MFSD6: variants seen among roughly 807,000 people sequenced by gnomAD.
The protein encoded by MFSD6 is major facilitator superfamily domain-containing protein 6.
In MFSD6, 26 loss-of-function variants were observed where a neutral mutation model predicts 56.3. The observed-to-expected ratio is 0.46, with a 90% CI of 0.34 to 0.64. The LOEUF is 0.64. MFSD6 is among the 30% of genes least tolerant of loss of function. The pLI is 0.01. For missense variants in MFSD6, 750 were observed against 986.2 expected (o/e 0.76, Z 3.21); for synonymous variants, 331 against 366.9 (o/e 0.90, Z 1.12).
At chr2:190,435,287 T>C (rs1359213789) in intron 2 of MFSD6, 1 of 152,264 alleles carries the variant, frequency 6.6e-6, no homozygotes, top group African/African-American at 2.4e-5. Context: ...AATGAATACA[T>C]GTAAAGATCT....
rs542363665 is a variant in MFSD6 at position 190,461,896 on chromosome 2, G to A, written c.1533-7862G>A. 2.6e-4 allele frequency among the ~76,000 whole-genome samples: 39 copies of A among 152,138 alleles called. No homozygotes were observed. Among genetic ancestry groups the A allele is most frequent in the African/African-American group, 8.9e-4 (37 of 41,492 alleles). On this transcript the variant is annotated intron_variant, in intron 3 of 7. Transcript: ENST00000392328. The surrounding 1 kb of genome is among the most constrained non-coding windows in gnomAD (Gnocchi z 5.5). ...CCTTAATATACTTTCAGAACAATCTGAGAGCAGAAGTCTTTTAATTTAAAA... is the reference window on the plus strand; with the variant it reads ...CCTTAATATACTTTCAGAACAATCTAAGAGCAGAAGTCTTTTAATTTAAAA...
At chr2:190,470,357 T>C (rs2125147039) in intron 4 of MFSD6, among the ~76,000 whole-genome samples, 1 of 152,354 alleles carries the variant, frequency 6.6e-6, no homozygotes, top group South Asian at 2.1e-4. Flanking sequence ...TCTGCTCAAA[T>C]GTCCTGCCCT....
In MFSD6 at chr2:190,458,601, C is replaced by T. The variant is rs952697637; in HGVS notation, c.1533-11157C>T. On this transcript the variant is annotated intron_variant, in intron 3 of 7. Transcript: ENST00000392328. This position sits in a 1 kb window ranked among gnomAD's most constrained non-coding sequence, Gnocchi z 5.3. ...CACCCCAGTTTTAGATTCCCTTCCC[C>T]CCGAGTGCTTGACAGATGGTTATTA... is the stretch of plus-strand genomic sequence containing the variant. 6.6e-6 allele frequency among the ~76,000 whole-genome samples: 1 copy of T among 152,158 alleles called. No homozygotes were observed. The highest frequency in any genetic ancestry group is 6.5e-5 in the Admixed American group (1 of 15,280).
Position 190,497,335 on chromosome 2 carries a change from C to G in MFSD6, c.1892-104C>G. Reference sequence around the variant, plus strand: ...CAATTTATTAATATTATCAAGCACTCTGGAATGGGTATATGGGATTCTTGG... The same window carrying G: ...CAATTTATTAATATTATCAAGCACTGTGGAATGGGTATATGGGATTCTTGG... On this transcript the variant is annotated intron_variant, in intron 6 of 7. Transcript: ENST00000392328. The surrounding 1 kb of genome is among the most constrained non-coding windows in gnomAD (Gnocchi z 5.2). 1.5e-6 allele frequency: 2 copies of G among 1,301,478 alleles called. No individual in the cohort carries two copies. Among genetic ancestry groups the G allele is most frequent in the Non-Finnish European group, 2.1e-6 (2 of 951,744 alleles). 80.6% of individuals were successfully genotyped at this position (1,301,478 alleles called of 1,614,324 possible). A position where few individuals can be genotyped will look rare whatever the true frequency, so the allele number is the denominator to read the frequency against.
In MFSD6 at chr2:190,431,834, ATACT is replaced by A. The variant is rs1686014846; in HGVS notation, c.-53-4140_-53-4137del. ...ATCTCAATTTTTCATTTATGCTATAATACTTATAAATTCCAGAGCTTTTTATTCA... is the reference window on the plus strand; with the variant it reads ...ATCTCAATTTTTCATTTATGCTATAATATAAATTCCAGAGCTTTTTATTCA... On this transcript the variant is annotated intron_variant, in intron 2 of 7. Coordinates refer to ENST00000392328, the MANE Select transcript of MFSD6 (RefSeq NM_017694.4). The surrounding 1 kb of genome is among the most constrained non-coding windows in gnomAD (Gnocchi z 4.4). 6.6e-6 allele frequency among the ~76,000 whole-genome samples: 1 copy of A among 152,210 alleles called. No individual in the cohort carries two copies. The highest frequency in any genetic ancestry group is 1.5e-5 in the Non-Finnish European group (1 of 68,036).
intron 4 of MFSD6, among the ~76,000 whole-genome samples, chr2:190,482,462 G>C (rs1216385085): frequency 6.6e-6 from 1 of 151,382 alleles, no homozygotes; most frequent in Non-Finnish European, 1.5e-5. Flanking sequence ...TCATGGGAAA[G>C]GTTTGTCACA....
intron 3 of MFSD6, among the ~76,000 whole-genome samples, chr2:190,466,819 C>T (rs576272880): frequency 6.6e-6 from 1 of 152,272 alleles, no homozygotes; most frequent in Non-Finnish European, 1.5e-5. Context: ...GAAGGGAAGG[C>T]TATATCAAAT....
chr2:190,498,512 C>T lies in MFSD6; in HGVS notation c.2172+793C>T, dbSNP rs975471661. Reference sequence around the variant, plus strand: ...TTTGTTGAACTGTTAATTAATCTCACTTTGTAAGCTAACATAAAATCTTTG... The same window carrying T: ...TTTGTTGAACTGTTAATTAATCTCATTTTGTAAGCTAACATAAAATCTTTG... On this transcript the variant is annotated intron_variant, in intron 7 of 7. Transcript: ENST00000392328. The surrounding 1 kb of genome is among the most constrained non-coding windows in gnomAD (Gnocchi z 5.9). 1.3e-5 allele frequency among the ~76,000 whole-genome samples: 2 copies of T among 152,150 alleles called. No individual in the cohort carries two copies. The highest frequency in any genetic ancestry group is 2.9e-5 in the Non-Finnish European group (2 of 68,012).
intron 6 of MFSD6, among the ~76,000 whole-genome samples, chr2:190,493,176 G>A (rs1256706828): frequency 1.3e-5 from 2 of 152,018 alleles, no homozygotes; most frequent in East Asian, 1.9e-4. Context: ...TTAAGGTAAA[G>A]GGGTGGAAAA....
In MFSD6 at chr2:190,500,446, G is replaced by A. The variant is rs1224971679; in HGVS notation, c.*228G>A. 9.1e-6 allele frequency: 5 copies of A among 548,240 alleles called. No individual in the cohort carries two copies. The African/African-American group carries it at 9.4e-5, about 10-fold the overall frequency. 34.0% of individuals were successfully genotyped at this position (548,240 alleles called of 1,614,324 possible). Reference sequence around the variant, plus strand: ...ATTGGAATTACAACAGGGAAATGGAGTTCAATGAGGACTTTCAGTTCTTTG... The same window carrying A: ...ATTGGAATTACAACAGGGAAATGGAATTCAATGAGGACTTTCAGTTCTTTG... On this transcript the variant is annotated 3_prime_UTR_variant, in exon 8 of 8. Transcript: ENST00000392328. The surrounding 1 kb of genome is among the most constrained non-coding windows in gnomAD (Gnocchi z 5.3).
Position 190,500,316 on chromosome 2 carries a change from C to A in MFSD6, c.*98C>A. 2 of 1,231,234 alleles carry A rather than the reference C, an allele frequency of 1.6e-6. No homozygotes were observed. Among genetic ancestry groups the A allele is most frequent in the Non-Finnish European group, 2.3e-6 (2 of 861,598 alleles). 76.3% of individuals were successfully genotyped at this position (1,231,234 alleles called of 1,614,324 possible). On this transcript the variant is annotated 3_prime_UTR_variant, in exon 8 of 8. Transcript: ENST00000392328. This position sits in a 1 kb window ranked among gnomAD's most constrained non-coding sequence, Gnocchi z 5.3. ...CCAGGATATGCCTCCCCTGGAGGAG[C>A]ACAGCACTGCATATGCTTCTAAATA...
At position 190,456,314 on chromosome 2, in the gene MFSD6, G is replaced by A. The variant is rs1481126235; in HGVS notation, c.1533-13444G>A. 6.6e-6 allele frequency among the ~76,000 whole-genome samples: 1 copy of A among 152,164 alleles called. No individual in the cohort carries two copies. Among genetic ancestry groups the A allele is most frequent in the African/African-American group, 2.4e-5 (1 of 41,436 alleles). The stretch of plus-strand genomic sequence containing the variant: ...TCAGACAGAGAAGGTGTTTAGCATG[G>A]TGAGTGGGAACTGCATTGACTTCAG... On this transcript the variant is annotated intron_variant, in intron 3 of 7. Coordinates refer to ENST00000392328, the MANE Select transcript of MFSD6 (RefSeq NM_017694.4). The surrounding 1 kb of genome is among the most constrained non-coding windows in gnomAD (Gnocchi z 5.4).
At position 190,412,718 on chromosome 2, in the gene MFSD6, G is replaced by T. The variant is rs532080674; in HGVS notation, c.-175-2574G>T. ...CATTTACTCTACTGGCATTTTGGGG[G>T]TGAGAGGGGCTTGTGTCAGCCTGAT... On this transcript the variant is annotated intron_variant, in intron 1 of 7. Transcript: ENST00000392328. The surrounding 1 kb of genome is among the most constrained non-coding windows in gnomAD (Gnocchi z 4.1). 2.9e-6 allele frequency: 2 copies of T among 681,952 alleles called. No individual in the cohort carries two copies. Among genetic ancestry groups the T allele is most frequent in the South Asian group, 1.3e-4 (2 of 15,104 alleles). The allele number at this position is 681,952 out of a possible 1,614,324, so 42.2% of individuals were successfully genotyped here.
At chr2:190,466,714 C>A (rs1260609897) in intron 3 of MFSD6, among the ~76,000 whole-genome samples, 4 of 152,180 alleles carry the variant, frequency 2.6e-5, no homozygotes, top group Non-Finnish European at 4.4e-5. Context: ...GATGAAATAA[C>A]CTTGACCTGG....
chr2:190,450,922 T>C (rs116732504), intron 3 of MFSD6, among the ~76,000 whole-genome samples: 2,138 of 152,316 alleles, frequency 0.014, 48 homozygotes, highest in East Asian at 0.11. Context: ...CTGCGCATTG[T>C]GGTTGCTGAG....
intron 3 of MFSD6, among the ~76,000 whole-genome samples, chr2:190,460,528 C>G (rs549748549): frequency 6.6e-6 from 1 of 152,146 alleles, no homozygotes; most frequent in East Asian, 1.9e-4. Context: ...CTCTTCCGTT[C>G]CGGACTATTT....
At chr2:190,483,442 A>AT (rs1351141439) in intron 4 of MFSD6, among the ~76,000 whole-genome samples, 2 of 152,170 alleles carry the variant, frequency 1.3e-5, no homozygotes, top group African/African-American at 2.4e-5. Context: ...TTTTTGGAAA[A>AT]TGAAGAAAAA....
chr2:190,476,733 T>A (rs1483751250), intron 4 of MFSD6, among the ~76,000 whole-genome samples: 1 of 152,164 alleles, frequency 6.6e-6, no homozygotes, highest in Non-Finnish European at 1.5e-5. Context: ...TAAATCATGC[T>A]GCTATAAAGA....
In MFSD6 at chr2:190,431,553, A is replaced by C. The variant is rs1686001962; in HGVS notation, c.-53-4424A>C. ...CCCCGTCTCCACCAAAAAAATACGA[A>C]AACCAGTCAGGTGTGGCGGCGCGCG... On this transcript the variant is annotated intron_variant, in intron 2 of 7. Coordinates refer to ENST00000392328, the MANE Select transcript of MFSD6 (RefSeq NM_017694.4). The surrounding 1 kb of genome is among the most constrained non-coding windows in gnomAD (Gnocchi z 4.4). Among the ~76,000 whole-genome samples, 1 of 152,162 alleles carries C rather than the reference A, an allele frequency of 6.6e-6. No homozygotes were observed. The highest frequency in any genetic ancestry group is 2.4e-5 in the African/African-American group (1 of 41,446).
Sources: gnomAD v4.1 joint callset for allele counts (sites outside exome capture counted in the v4.1 genomes callset) on GRCh38, gnomAD v4.1.1 for gene constraint, Gnocchi (gnomAD v3.1) non-coding constraint, MANE v1.5 for transcripts, NCBI Gene and HGNC (gene_info 2026-07-23, HGNC 2026-07-21) for gene names.